COLGALT1: variants seen among roughly 807,000 people sequenced by gnomAD.
The protein encoded by COLGALT1 is procollagen galactosyltransferase 1.
In COLGALT1, 43 loss-of-function variants were observed where a neutral mutation model predicts 60.8. The observed-to-expected ratio is 0.71, with a 90% CI of 0.55 to 0.91. The LOEUF is 0.91. Ranked by LOEUF, COLGALT1 falls within the 40% of genes least tolerant of loss-of-function variation. COLGALT1 has a pLI of 0.00. For synonymous variants in COLGALT1, 369 were observed against 374.2 expected (o/e 0.99, Z 0.16); for missense variants, 845 against 880.0 (o/e 0.96, Z 0.50).
chr19:17,561,803 C>T (rs1568473474), intron 3 of COLGALT1, among the ~76,000 whole-genome samples: 1 of 152,088 alleles, frequency 6.6e-6, no homozygotes, highest in Non-Finnish European at 1.5e-5. Context: ...ACATTGAACC[C>T]ATTACACAGT....
At chr19:17,580,508 A>G in intron 10 of COLGALT1, 191 bp from the exon 11 acceptor site, 1 of 610,754 alleles carries the variant, frequency 1.6e-6, no homozygotes, top group Non-Finnish European at 2.9e-6. Flanking sequence ...CTTTGGAAAA[A>G]CTCACTCTTC....
At chr19:17,572,876 A>G (rs2076321192) in intron 6 of COLGALT1, among the ~76,000 whole-genome samples, 1 of 152,138 alleles carries the variant, frequency 6.6e-6, no homozygotes, top group Non-Finnish European at 1.5e-5. Context: ...GGAGTTCACC[A>G]TAAAGGGGAT....
intron 10 of COLGALT1, chr19:17,580,079 C>G (rs2076370183): frequency 5.4e-6 from 1 of 183,588 alleles, no homozygotes; most frequent in South Asian, 1.2e-4. Context: ...TAAAATTTGA[C>G]CGGGCAGCCT....
intron 9 of COLGALT1, among the ~76,000 whole-genome samples, chr19:17,578,484 G>GC (rs2144846835): frequency 1.3e-5 from 2 of 152,320 alleles, no homozygotes; most frequent in East Asian, 3.9e-4. Context: ...GCACTCACCA[G>GC]CCCAGGCATC....
At chr19:17,575,131 A>G (rs1005795407) in intron 6 of COLGALT1, among the ~76,000 whole-genome samples, 1 of 152,164 alleles carries the variant, frequency 6.6e-6, no homozygotes, top group Non-Finnish European at 1.5e-5. Flanking sequence ...GGCTCACTGC[A>G]ACCTCCGCCT....
intron 3 of COLGALT1, among the ~76,000 whole-genome samples, chr19:17,562,011 C>G (rs1182133147): frequency 6.6e-6 from 1 of 152,150 alleles, no homozygotes; most frequent in Non-Finnish European, 1.5e-5. Context: ...GCTGGGATTA[C>G]AGGCCCCCGC....
chr19:17,580,272 CCAT>C, intron 10 of COLGALT1: 1 of 233,536 alleles, frequency 4.3e-6, no homozygotes, highest in South Asian at 6.0e-5. Flanking sequence ...CTCCCTTCCT[CCAT>C]CTCTTTTTTC....
chr19:17,557,606 T>C (rs1272613390), intron 1 of COLGALT1, among the ~76,000 whole-genome samples: 1 of 150,002 alleles, frequency 6.7e-6, no homozygotes, highest in Non-Finnish European at 1.5e-5. Flanking sequence ...TGCTGAGATA[T>C]ACTTTTTTTT....
chr19:17,577,389 A>C lies in COLGALT1; in HGVS notation c.1055A>C (p.Gln352Pro). Residue 352 changes from glutamine (Q) to proline (P), a missense_variant, in exon 8 of 12, where the codon CAG becomes CCG. By Grantham distance (76) the Gln-to-Pro change is moderately conservative (BLOSUM62 -1). Coordinates refer to ENST00000252599, the MANE Select transcript of COLGALT1 (RefSeq NM_024656.4). ...EVFMINLRRR[Q>P]DRRERMLRAL... is the part of the protein sequence containing the mutation. ...TTCATGATCAACCTGAGGCGGCGGC[A>C]GGACCGGCGGGAGCGCATGCTGCGG... 6.3e-7 allele frequency: 1 copy of C among 1,589,036 alleles called. No homozygotes were observed. Among genetic ancestry groups the C allele is most frequent in the Non-Finnish European group, 8.5e-7 (1 of 1,170,396 alleles).
chr19:17,566,442 G>A (rs2076280347), intron 3 of COLGALT1, among the ~76,000 whole-genome samples: 1 of 151,976 alleles, frequency 6.6e-6, no homozygotes, highest in Non-Finnish European at 1.5e-5. Context: ...CCTGGTAGAG[G>A]GGGAACGTCC....
Position 17,555,652 on chromosome 19 carries a change from C to T in COLGALT1, c.-62C>T. ...CGCGGCCGGGCGGGGCCCCTATGACCCCTTTAAGGCGCGGCCAGAGTCCTC... is the reference window on the plus strand; with the variant it reads ...CGCGGCCGGGCGGGGCCCCTATGACTCCTTTAAGGCGCGGCCAGAGTCCTC... On this transcript the variant is annotated 5_prime_UTR_variant, in exon 1 of 12. Coordinates refer to ENST00000252599, the MANE Select transcript of COLGALT1 (RefSeq NM_024656.4). 11 of 1,162,164 alleles carry T rather than the reference C, an allele frequency of 9.5e-6. No individual in the cohort carries two copies. Among genetic ancestry groups the T allele is most frequent in the Non-Finnish European group, 1.2e-5 (11 of 943,808 alleles). 72.0% of individuals were successfully genotyped at this position (1,162,164 alleles called of 1,614,324 possible). A position where few individuals can be genotyped will look rare whatever the true frequency, so the allele number is the denominator to read the frequency against.
chr19:17,581,449 TAGCAGCCAGAA>T lies in COLGALT1; in HGVS notation c.*9_*19del. ...GCTGCCCGGGATGAACTCTGAGGGG[TAGCAGCCAGAA>T]AGCCAAAGCAGCCATCGGTGGCCCA... On this transcript the variant is annotated 3_prime_UTR_variant, in exon 12 of 12. Coordinates refer to ENST00000252599, the MANE Select transcript of COLGALT1 (RefSeq NM_024656.4). 6.2e-7 allele frequency: 1 copy of T among 1,602,458 alleles called. No individual in the cohort carries two copies. Among genetic ancestry groups the T allele is most frequent in the Non-Finnish European group, 8.5e-7 (1 of 1,176,948 alleles).
intron 3 of COLGALT1, 122 bp downstream of exon 3, chr19:17,560,587 TAGAG>T (rs1041519464): frequency 4.4e-5 from 34 of 772,016 alleles, no homozygotes; most frequent in Admixed American, 8.1e-5. Context: ...AACTGAGGCT[TAGAG>T]AGGGGAGATG....
intron 3 of COLGALT1, among the ~76,000 whole-genome samples, chr19:17,562,240 C>T (rs1176647298): frequency 2.6e-5 from 4 of 152,150 alleles, no homozygotes; most frequent in South Asian, 2.1e-4. Flanking sequence ...AAAGTGATTA[C>T]GATGCAGTGG....
intron 8 of COLGALT1, 44 bp from the exon 9 acceptor site, chr19:17,577,913 G>A: frequency 6.4e-7 from 1 of 1,571,000 alleles, no homozygotes; most frequent in East Asian, 2.3e-5. Context: ...CAGAATGGCA[G>A]GCAGGGTGAA....
chr19:17,576,313 G>A (rs2076339925), intron 6 of COLGALT1, among the ~76,000 whole-genome samples: 2 of 152,132 alleles, frequency 1.3e-5, no homozygotes, highest in Non-Finnish European at 2.9e-5. Flanking sequence ...GGAGGTGGGA[G>A]TGGGGAGGGT....
At chr19:17,577,007 G>T in intron 6 of COLGALT1, 188 bp from the exon 7 acceptor site, 1 of 361,392 alleles carries the variant, frequency 2.8e-6, no homozygotes, top group Non-Finnish European at 5.1e-6. Flanking sequence ...CAGGGCTTTG[G>T]GCTGCTGTGC....
intron 1 of COLGALT1, among the ~76,000 whole-genome samples, chr19:17,556,843 T>G (rs990856568): frequency 6.6e-6 from 1 of 152,018 alleles, no homozygotes; most frequent in East Asian, 1.9e-4. Flanking sequence ...AGCCCAGGAG[T>G]TCGAGGCTGC....
In COLGALT1 at chr19:17,580,792, C is replaced by G. The variant is rs377077306; in HGVS notation, c.1488C>G (p.Thr496=). The G allele has an allele frequency of 2.2e-5, 36 of 1,614,064 alleles. No homozygotes were observed. The highest frequency in any genetic ancestry group is 2.5e-5 in the Non-Finnish European group (30 of 1,180,010). The part of the protein sequence containing the change: ...NLVEADYSYW[T]LAYVISLQGA... Reference sequence around the variant, plus strand: ...TGGAGGCCGACTATTCCTACTGGACCCTGGCCTACGTGATCTCCCTGCAAG... The same window carrying G: ...TGGAGGCCGACTATTCCTACTGGACGCTGGCCTACGTGATCTCCCTGCAAG... The change falls in exon 11 of 12, where the codon ACC becomes ACG. Residue 496 remains threonine (T), a synonymous_variant. Coordinates refer to ENST00000252599, the MANE Select transcript of COLGALT1 (RefSeq NM_024656.4).
Sources: allele counts gnomAD v4.1 joint callset (sites outside exome capture counted in the v4.1 genomes callset), GRCh38; gene constraint gnomAD v4.1.1; transcripts MANE v1.5; gene names NCBI Gene and HGNC (gene_info 2026-07-23, HGNC 2026-07-21).